The following ATP8A2 variants were observed in gnomAD, a reference collection of about 807,000 sequenced individuals.
The protein encoded by ATP8A2 is ATPase phospholipid transporting 8A2.
In ATP8A2, 100 loss-of-function variants were observed where a neutral mutation model predicts 165.6. The observed-to-expected ratio is 0.60, with a 90% CI of 0.51 to 0.71. The LOEUF (loss-of-function observed/expected upper bound fraction) is 0.71, where lower values mean the gene tolerates loss of function less well. Among genes scored for constraint, ATP8A2 ranks in the 30% least tolerant of loss-of-function variants. The probability of loss-of-function intolerance (pLI) is 0.00; values close to 1 mark genes in which losing one functional copy is unlikely to be tolerated. For synonymous variants in ATP8A2, 543 were observed against 548.8 expected, an observed-to-expected ratio of 0.99 and a Z score of 0.15; for missense variants, 1,227 against 1,479.5, an observed-to-expected ratio of 0.83 and a Z score of 2.80.
At chr13:25,675,809 A>T (rs1368786407) in intron 24 of ATP8A2, among the ~76,000 whole-genome samples, 2 of 152,104 alleles carry the variant, frequency 1.3e-5, no homozygotes, top group Admixed American at 1.3e-4. Flanking sequence ...CTGCTGATGG[A>T]GTTACAGAGA....
rs1555293250 is a variant in ATP8A2, at chr13:25,539,088, T to TGTGTGC, written c.581+1032_581+1033insCGTGTG. ...GTGTGTGTGTGTGTGTGTGTGTGTG[T>TGTGTGC]GTGTGTGTGTGTTTTGTTTTGTTTT... On this transcript the variant is annotated intron_variant, in intron 7 of 36. Transcript: ENST00000381655. Among the ~76,000 whole-genome samples the TGTGTGC allele has an allele frequency of 1.7e-3, 253 of 150,942 alleles. 2 individuals are homozygous for TGTGTGC. The highest frequency in any genetic ancestry group is 3.4e-3 in the Middle Eastern group (1 of 294).
intron 2 of ATP8A2, among the ~76,000 whole-genome samples, chr13:25,479,720 T>C (rs1301097407): frequency 1.3e-5 from 2 of 152,124 alleles, no homozygotes. Context: ...TTCAAGCATC[T>C]GTTTAACAAA....
chr13:25,532,950 G>A (rs1388233568), intron 5 of ATP8A2, among the ~76,000 whole-genome samples: 1 of 152,172 alleles, frequency 6.6e-6, no homozygotes, highest in Non-Finnish European at 1.5e-5. Context: ...ACAGGTATGA[G>A]CCACTGCGCC....
At chr13:25,465,742 TCCCTCCCTCTCTCTCTCTC>T (rs1566153685) in intron 1 of ATP8A2, among the ~76,000 whole-genome samples, 24 of 25,334 alleles carry the variant, frequency 9.5e-4, no homozygotes, top group South Asian at 3.7e-3. Context: ...TTTCTTTCCC[TCCCTCCCTCTCTCTCTCTC>T]TTTCTCTCTT....
At chr13:25,516,946 A>C (rs1398615950) in intron 2 of ATP8A2, among the ~76,000 whole-genome samples, 1 of 151,776 alleles carries the variant, frequency 6.6e-6, no homozygotes, top group African/African-American at 2.4e-5. Context: ...AAGCTCGGCT[A>C]ATTTTTGTAT....
chr13:25,718,961 G>A (rs2043313985), intron 25 of ATP8A2, among the ~76,000 whole-genome samples: 2 of 152,118 alleles, frequency 1.3e-5, no homozygotes, highest in Admixed American at 6.5e-5. Context: ...CGTGCATGTG[G>A]GGACACCAGT....
chr13:25,513,209 T>C (rs563562743), intron 2 of ATP8A2, among the ~76,000 whole-genome samples: 2 of 146,678 alleles, frequency 1.4e-5, no homozygotes, highest in African/African-American at 5.1e-5. Context: ...GACGGTGCGG[T>C]TGCCAGGTGG....
At chr13:25,506,003 G>T (rs574745034) in intron 2 of ATP8A2, among the ~76,000 whole-genome samples, 3 of 152,340 alleles carry the variant, frequency 2.0e-5, no homozygotes, top group African/African-American at 4.8e-5. Flanking sequence ...CCAAGCTGAC[G>T]CTGGGATTAC....
At chr13:25,856,700 T>C (rs1952175839) in intron 30 of ATP8A2, among the ~76,000 whole-genome samples, 1 of 152,232 alleles carries the variant, frequency 6.6e-6, no homozygotes, top group Non-Finnish European at 1.5e-5. Context: ...TCCAAAAATT[T>C]TCATCACCCC....
intron 24 of ATP8A2, among the ~76,000 whole-genome samples, chr13:25,618,769 G>A (rs1351971384): frequency 6.7e-6 from 1 of 149,792 alleles, no homozygotes; most frequent in Non-Finnish European, 1.5e-5. Flanking sequence ...CTTAGTAGTA[G>A]TTGATGCCTT....
chr13:25,965,304 C>T (rs1034235681), intron 34 of ATP8A2, among the ~76,000 whole-genome samples: 2 of 152,138 alleles, frequency 1.3e-5, no homozygotes, highest in African/African-American at 4.8e-5. Context: ...ATTTCAGGAC[C>T]TGAGCTGTTA....
chr13:25,631,021 A>G (rs1186428765), intron 24 of ATP8A2, among the ~76,000 whole-genome samples: 6 of 152,176 alleles, frequency 3.9e-5, no homozygotes, highest in Non-Finnish European at 2.9e-5. Flanking sequence ...TCATAGCTTA[A>G]TTACAGTATT....
chr13:25,836,597 G>A (rs1158020278), intron 28 of ATP8A2, among the ~76,000 whole-genome samples: 2 of 152,088 alleles, frequency 1.3e-5, no homozygotes, highest in Non-Finnish European at 2.9e-5. Context: ...TTGCCCCACT[G>A]CCCTCCTCCA....
chr13:25,571,599 C>G lies in ATP8A2; in HGVS notation c.1580-11C>G, dbSNP rs762832170. On this transcript the variant is annotated splice_polypyrimidine_tract_variant and intron_variant, in intron 17 of 36. Coordinates refer to ENST00000381655, the MANE Select transcript of ATP8A2 (RefSeq NM_016529.6). Reference sequence around the variant, plus strand: ...TGATATGTCAATGTTTCACCAACTCCCACTTGACAGATGAAGCTGCTTTGG... The same window carrying G: ...TGATATGTCAATGTTTCACCAACTCGCACTTGACAGATGAAGCTGCTTTGG... 59 of 1,608,288 alleles carry G rather than the reference C, an allele frequency of 3.7e-5. No individual in the cohort carries two copies. Among genetic ancestry groups the G allele is most frequent in the Admixed American group, 1.8e-4 (11 of 59,926 alleles).
At chr13:25,374,781 G>A (rs2032558335) in intron 1 of ATP8A2, among the ~76,000 whole-genome samples, 1 of 152,014 alleles carries the variant, frequency 6.6e-6, no homozygotes, top group Non-Finnish European at 1.5e-5. Flanking sequence ...GGGCTCCTGG[G>A]GACACTGATG....
intron 33 of ATP8A2, among the ~76,000 whole-genome samples, chr13:25,927,566 G>T (rs776354090): frequency 7.2e-5 from 11 of 152,194 alleles, no homozygotes; most frequent in Non-Finnish European, 1.5e-4. Flanking sequence ...GTCTCCACAC[G>T]CAGAGATTTA....
At chr13:25,846,190 A>C (rs373697134) in intron 30 of ATP8A2, among the ~76,000 whole-genome samples, 40 of 152,310 alleles carry the variant, frequency 2.6e-4, no homozygotes, top group South Asian at 1.9e-3. Context: ...CAAAACAAAA[A>C]AAAAGATTAA....
intron 35 of ATP8A2, among the ~76,000 whole-genome samples, chr13:25,995,260 T>G (rs1010627368): frequency 6.6e-6 from 1 of 151,796 alleles, no homozygotes; most frequent in Non-Finnish European, 1.5e-5. Context: ...TTTATTGTTC[T>G]TTTCAAATAA....
At chr13:25,427,598 A>T (rs917345115) in intron 1 of ATP8A2, among the ~76,000 whole-genome samples, 1 of 151,940 alleles carries the variant, frequency 6.6e-6, no homozygotes, top group Non-Finnish European at 1.5e-5. Flanking sequence ...AACTTCTCTA[A>T]AAAAAACAAA....
Sources: gnomAD v4.1 joint callset for allele counts (sites outside exome capture counted in the v4.1 genomes callset) on GRCh38, gnomAD v4.1.1 for gene constraint, MANE v1.5 for transcripts, NCBI Gene and HGNC (gene_info 2026-07-23, HGNC 2026-07-21) for gene names.